Variants in TMEFF2 observed in about 807,000 individuals in gnomAD.
TMEFF2 encodes the protein transmembrane protein with EGF like and two follistatin like domains 2, also known as tomoregulin-2.
TMEFF2 carries 28 observed loss-of-function variants against 53.8 expected under a neutral mutation model. That is an observed-to-expected ratio of 0.52 (90% CI 0.39 to 0.71). The LOEUF (loss-of-function observed/expected upper bound fraction) is 0.71, where lower values mean the gene tolerates loss of function less well. Ranked by LOEUF, TMEFF2 falls within the 30% of genes least tolerant of loss-of-function variation. TMEFF2 has a pLI of 0.00. For missense variants in TMEFF2, 353 were observed against 455.2 expected, an observed-to-expected ratio of 0.78 and a Z score of 2.04; for synonymous variants, 162 against 166.3, an observed-to-expected ratio of 0.97 and a Z score of 0.20.
At chr2:192,103,633 T>G (rs1689083186) in intron 4 of TMEFF2, among the ~76,000 whole-genome samples, 2 of 152,036 alleles carry the variant, frequency 1.3e-5, no homozygotes, top group African/African-American at 4.8e-5. Context: ...GTAGTCTTGT[T>G]TTCAACTCTT....
At chr2:192,150,805 G>C (rs919331280) in intron 4 of TMEFF2, among the ~76,000 whole-genome samples, 1 of 147,710 alleles carries the variant, frequency 6.8e-6, no homozygotes, top group African/African-American at 2.5e-5. Flanking sequence ...CTTTGTCTTT[G>C]AAAAGTTTGA....
intron 5 of TMEFF2, among the ~76,000 whole-genome samples, chr2:192,016,757 T>C (rs1017048163): frequency 2.0e-5 from 3 of 152,186 alleles, no homozygotes; most frequent in Non-Finnish European, 4.4e-5. Context: ...CATCTTCCAA[T>C]TGAGTAATAA....
intron 5 of TMEFF2, among the ~76,000 whole-genome samples, chr2:192,053,240 C>A (rs1485725472): frequency 6.6e-6 from 1 of 151,994 alleles, no homozygotes; most frequent in Non-Finnish European, 1.5e-5. Context: ...TCTCTTTCCC[C>A]TATTTATTAA....
chr2:192,034,340 T>G (rs1475622183), intron 5 of TMEFF2, among the ~76,000 whole-genome samples: 4 of 152,080 alleles, frequency 2.6e-5, no homozygotes, highest in African/African-American at 9.7e-5. Context: ...AATTTAAAGT[T>G]AGGTTATGAG....
intron 4 of TMEFF2, among the ~76,000 whole-genome samples, chr2:192,175,031 C>A (rs999387066): frequency 6.6e-6 from 1 of 151,598 alleles, no homozygotes; most frequent in Admixed American, 6.6e-5. Flanking sequence ...GAATAATTTT[C>A]TTTTCATAAT....
chr2:192,039,024 C>G (rs1687407381), intron 5 of TMEFF2, among the ~76,000 whole-genome samples: 1 of 152,002 alleles, frequency 6.6e-6, no homozygotes, highest in Non-Finnish European at 1.5e-5. Flanking sequence ...GTTTTTGGTC[C>G]TTAATGCAAA....
At chr2:192,123,438 A>G (rs1271083035) in intron 4 of TMEFF2, among the ~76,000 whole-genome samples, 1 of 152,190 alleles carries the variant, frequency 6.6e-6, no homozygotes, top group Admixed American at 6.6e-5. Context: ...AAATCTTTGA[A>G]GTTAAAAATA....
At chr2:192,032,521 C>T (rs1431690634) in intron 5 of TMEFF2, 1 of 152,126 alleles carries the variant, frequency 6.6e-6, no homozygotes. Context: ...GGGAAAGAGA[C>T]GGAAGTGTAT....
At chr2:192,038,516 CTTTT>C (rs967565976) in intron 5 of TMEFF2, among the ~76,000 whole-genome samples, 4 of 151,978 alleles carry the variant, frequency 2.6e-5, no homozygotes, top group Non-Finnish European at 5.9e-5. Context: ...TCTTTTCTTT[CTTTT>C]TTTATTTATT....
intron 7 of TMEFF2, among the ~76,000 whole-genome samples, chr2:191,978,011 CAT>C (rs1327133062): frequency 2.6e-5 from 4 of 152,268 alleles, no homozygotes; most frequent in African/African-American, 9.6e-5. Flanking sequence ...TTCAGAAAAA[CAT>C]AAATATCCCC....
intron 5 of TMEFF2, among the ~76,000 whole-genome samples, chr2:192,048,246 C>T (rs1687671954): frequency 6.6e-6 from 1 of 151,558 alleles, no homozygotes; most frequent in Admixed American, 6.6e-5. Context: ...ATACATTATT[C>T]TTAAATTGGT....
chr2:192,018,109 C>T (rs976611892), intron 5 of TMEFF2, among the ~76,000 whole-genome samples: 3 of 152,064 alleles, frequency 2.0e-5, no homozygotes, highest in African/African-American at 7.2e-5. Context: ...GAATTTGTAC[C>T]ATTTGATTCT....
intron 4 of TMEFF2, among the ~76,000 whole-genome samples, chr2:192,099,115 G>GA (rs1688979017): frequency 6.6e-6 from 1 of 152,032 alleles, no homozygotes; most frequent in African/African-American, 2.4e-5. Context: ...TCAGTTGAAG[G>GA]AGAGTCCACA....
intron 4 of TMEFF2, among the ~76,000 whole-genome samples, chr2:192,122,266 T>A (rs1472780408): frequency 6.6e-6 from 1 of 152,132 alleles, no homozygotes; most frequent in Non-Finnish European, 1.5e-5. Flanking sequence ...CAGAATTTGA[T>A]TTTCTTAATG....
chr2:192,014,763 G>C (rs982089132), intron 5 of TMEFF2, among the ~76,000 whole-genome samples: 56 of 152,142 alleles, frequency 3.7e-4, no homozygotes, highest in African/African-American at 1.3e-3. Flanking sequence ...ATAAACTTGG[G>C]CCTGTTTTGG....
chr2:192,059,320 A>C (rs1299975242), intron 4 of TMEFF2, among the ~76,000 whole-genome samples: 1 of 151,962 alleles, frequency 6.6e-6, no homozygotes, highest in African/African-American at 2.4e-5. Context: ...TTAGACTCTG[A>C]TAAAATAGAC....
At position 192,140,523 on chromosome 2, in the gene TMEFF2, G is replaced by C. The variant is rs545425684; in HGVS notation, c.439+39145C>G. Among the ~76,000 whole-genome samples, 4 of 152,174 alleles carry C rather than the reference G, an allele frequency of 2.6e-5. No individual in the cohort carries two copies. In the South Asian group the frequency reaches 8.3e-4, roughly 32 times the overall value. On this transcript the variant is annotated intron_variant, in intron 4 of 9. Transcript: ENST00000272771. ...CTCAGTTCTGGGTTCCACATTGAAAGAAATAGACTGATAAGAATGAGCAGC... is the reference window on the plus strand; with the variant it reads ...CTCAGTTCTGGGTTCCACATTGAAACAAATAGACTGATAAGAATGAGCAGC...
intron 7 of TMEFF2, among the ~76,000 whole-genome samples, chr2:191,975,341 A>G (rs1685691509): frequency 1.4e-5 from 1 of 71,856 alleles, no homozygotes; most frequent in African/African-American, 3.2e-5. Context: ...TCGTCTGTTT[A>G]GATTTGTTAT....
At chr2:191,986,422 T>G (rs1426881633) in intron 7 of TMEFF2, among the ~76,000 whole-genome samples, 1 of 152,196 alleles carries the variant, frequency 6.6e-6, no homozygotes, top group Non-Finnish European at 1.5e-5. Context: ...TGTGAGACTT[T>G]CCTCAATAAC....
Sources: allele counts gnomAD v4.1 joint callset (sites outside exome capture counted in the v4.1 genomes callset), GRCh38; gene constraint gnomAD v4.1.1; transcripts MANE v1.5; gene names NCBI Gene and HGNC (gene_info 2026-07-23, HGNC 2026-07-21).